The following ATF7IP variants were observed in gnomAD, a reference collection of about 807,000 sequenced individuals.
ATF7IP encodes activating transcription factor 7 interacting protein.
In ATF7IP, 23 loss-of-function variants were observed where a neutral mutation model predicts 106.4. The observed-to-expected ratio is 0.22, with a 90% CI of 0.16 to 0.31. The LOEUF (loss-of-function observed/expected upper bound fraction) is 0.31, where lower values mean the gene tolerates loss of function less well. ATF7IP is among the 10% of genes least tolerant of loss of function. The pLI, the probability that ATF7IP is intolerant of heterozygous loss-of-function variation, is 1.00. For synonymous variants in ATF7IP, 542 were observed against 539.0 expected (o/e 1.01, Z -0.08); for missense variants, 1,334 against 1,524.3 (o/e 0.88, Z 2.08).
At chr12:14,434,936 G>C (rs1942327987) in intron 3 of ATF7IP, among the ~76,000 whole-genome samples, 1 of 151,958 alleles carries the variant, frequency 6.6e-6, no homozygotes, top group African/African-American at 2.4e-5. Context: ...AAAAATATTT[G>C]AATTAGCCAG....
intron 10 of ATF7IP, among the ~76,000 whole-genome samples, chr12:14,475,662 A>T (rs1171540921): frequency 1.3e-5 from 2 of 152,126 alleles, no homozygotes; most frequent in Non-Finnish European, 2.9e-5. Flanking sequence ...TTTTAAGAAA[A>T]CGTCTTGAAT....
chr12:14,478,302 A>C lies in ATF7IP; in HGVS notation c.2942-15A>C. 1 of 1,611,582 alleles carries C rather than the reference A, an allele frequency of 6.2e-7. No individual in the cohort carries two copies. Among genetic ancestry groups the C allele is most frequent in the Non-Finnish European group, 8.5e-7 (1 of 1,178,078 alleles). On this transcript the variant is annotated splice_polypyrimidine_tract_variant and intron_variant, in intron 11 of 14. Transcript: ENST00000261168. ...TTTTTCTTGTCAGTCATAATATTTC[A>C]CTTTTAACTAACAGACCCCAAAAAA...
In ATF7IP at chr12:14,502,225, C is replaced by T. The variant is rs939823759; in HGVS notation, c.*4152C>T. Reference sequence around the variant, plus strand: ...CCGATGTGTGATTCTACCTTCCTTACTATTTTTACTGGGCAAATGCCCTAT... The same window carrying T: ...CCGATGTGTGATTCTACCTTCCTTATTATTTTTACTGGGCAAATGCCCTAT... On this transcript the variant is annotated 3_prime_UTR_variant, in exon 15 of 15. Coordinates refer to ENST00000261168, the MANE Select transcript of ATF7IP (RefSeq NM_018179.5). The T allele has an allele frequency of 6.6e-6, 1 of 152,128 alleles. No individual in the cohort carries two copies. Among genetic ancestry groups the T allele is most frequent in the Non-Finnish European group, 1.5e-5 (1 of 68,024 alleles). 9.4% of individuals were successfully genotyped at this position (152,128 alleles called of 1,614,324 possible).
At chr12:14,392,567 A>G (rs1939619019) in intron 1 of ATF7IP, among the ~76,000 whole-genome samples, 1 of 152,238 alleles carries the variant, frequency 6.6e-6, no homozygotes, top group Non-Finnish European at 1.5e-5. Context: ...TGCTTGGCAT[A>G]TAAGATCCTT....
At chr12:14,375,168 AATT>A (rs1239622670) in intron 1 of ATF7IP, among the ~76,000 whole-genome samples, 1 of 151,914 alleles carries the variant, frequency 6.6e-6, no homozygotes, top group Admixed American at 6.6e-5. Context: ...AAGATATTCT[AATT>A]ATTTTCTTTT....
chr12:14,465,024 T>C (rs1943776932), intron 9 of ATF7IP, among the ~76,000 whole-genome samples: 1 of 152,180 alleles, frequency 6.6e-6, no homozygotes. Flanking sequence ...GAGACCAGCC[T>C]GGCCAGCATG....
At chr12:14,390,269 A>G (rs2136432922) in intron 1 of ATF7IP, among the ~76,000 whole-genome samples, 1 of 152,362 alleles carries the variant, frequency 6.6e-6, no homozygotes, top group South Asian at 2.1e-4. Flanking sequence ...CTTAGAATAT[A>G]TAAAGTCAGT....
intron 1 of ATF7IP, among the ~76,000 whole-genome samples, chr12:14,393,798 A>G (rs1000827345): frequency 6.6e-6 from 1 of 152,190 alleles, no homozygotes; most frequent in Non-Finnish European, 1.5e-5. Context: ...CTCTAGCCTT[A>G]ATGAAAATGG....
At chr12:14,369,103 C>T (rs1230001999) in intron 1 of ATF7IP, 1 of 145,286 alleles carries the variant, frequency 6.9e-6, no homozygotes, top group South Asian at 2.2e-4. Context: ...GGATATCACA[C>T]CCCGCTAATT....
chr12:14,421,924 T>TAG (rs1941534097), intron 1 of ATF7IP, among the ~76,000 whole-genome samples: 1 of 152,168 alleles, frequency 6.6e-6, no homozygotes, highest in Admixed American at 6.5e-5. Context: ...ATTACCTTTT[T>TAG]AAGAAACCTA....
chr12:14,418,350 A>G (rs1246739732), intron 1 of ATF7IP, among the ~76,000 whole-genome samples: 1 of 152,198 alleles, frequency 6.6e-6, no homozygotes, highest in Admixed American at 6.5e-5. Flanking sequence ...TTTTGCAGTT[A>G]CTTTTAGACA....
At chr12:14,405,403 CTTTTTTTTTTTTTTT>C (rs145211652) in intron 1 of ATF7IP, among the ~76,000 whole-genome samples, 6 of 83,568 alleles carry the variant, frequency 7.2e-5, no homozygotes, top group East Asian at 4.5e-4. Context: ...TTTCTTTCAT[CTTTTTTTTTTTTTTT>C]TTTTTTTTTT....
intron 13 of ATF7IP, among the ~76,000 whole-genome samples, chr12:14,488,015 C>T (rs1383703256): frequency 1.3e-5 from 2 of 152,054 alleles, no homozygotes; most frequent in Non-Finnish European, 2.9e-5. Context: ...GTTCTTTATA[C>T]TACTAGAAGT....
intron 2 of ATF7IP, among the ~76,000 whole-genome samples, chr12:14,430,242 C>G (rs369439012): frequency 6.6e-6 from 1 of 151,992 alleles, no homozygotes; most frequent in Non-Finnish European, 1.5e-5. Flanking sequence ...ATAAGGTAAC[C>G]GTTTACTATA....
intron 11 of ATF7IP, among the ~76,000 whole-genome samples, chr12:14,478,090 A>G (rs1324695264): frequency 6.6e-6 from 1 of 152,220 alleles, no homozygotes; most frequent in Non-Finnish European, 1.5e-5. Context: ...GAATTTCTGT[A>G]AACGTGAATT....
Position 14,415,585 on chromosome 12 carries a change from T to C in ATF7IP, c.-7-8324T>C, listed in dbSNP as rs150784746. 2.5e-3 allele frequency among the ~76,000 whole-genome samples: 377 copies of C among 152,280 alleles called. 3 individuals carry two copies. The highest frequency in any genetic ancestry group is 8.9e-3 in the African/African-American group (369 of 41,574). On this transcript the variant is annotated intron_variant, in intron 1 of 14. Coordinates refer to ENST00000261168, the MANE Select transcript of ATF7IP (RefSeq NM_018179.5). ...ATATTGCATTCCACATTTTGGTCGG[T>C]GACAGGCAGAGGGGTTAATTTGTGA...
At position 14,490,072 on chromosome 12, in the gene ATF7IP, C is replaced by T. The variant is rs1044454681; in HGVS notation, c.3281-6159C>T. Among the ~76,000 whole-genome samples the T allele has an allele frequency of 2.6e-5, 4 of 152,160 alleles. No individual in the cohort carries two copies. In the East Asian group the frequency reaches 7.7e-4, roughly 29 times the overall value. ...CTCTTCTGCTGGCAAATTGGGTACT[C>T]GGCATTAGCCATAGTCACGTCAGCC... On this transcript the variant is annotated intron_variant, in intron 13 of 14. Coordinates refer to ENST00000261168, the MANE Select transcript of ATF7IP (RefSeq NM_018179.5).
chr12:14,452,267 A>G (rs1262532180), intron 6 of ATF7IP, among the ~76,000 whole-genome samples: 1 of 152,140 alleles, frequency 6.6e-6, no homozygotes, highest in Non-Finnish European at 1.5e-5. Flanking sequence ...TAGGCACCAT[A>G]TAGTTGGATC....
intron 1 of ATF7IP, among the ~76,000 whole-genome samples, chr12:14,398,532 A>G (rs115316504): frequency 3.3e-5 from 5 of 151,102 alleles, no homozygotes; most frequent in African/African-American, 7.3e-5. Context: ...CACATGGTCA[A>G]TATTGATGTA....
Sources: allele counts gnomAD v4.1 joint callset (sites outside exome capture counted in the v4.1 genomes callset), GRCh38; gene constraint gnomAD v4.1.1; transcripts MANE v1.5; gene names NCBI Gene and HGNC (gene_info 2026-07-23, HGNC 2026-07-21).